SRP68: variants seen among roughly 807,000 people sequenced by gnomAD.
SRP68 encodes signal recognition particle 68.
In SRP68, 15 loss-of-function variants were observed where a neutral mutation model predicts 82.2. That is an observed-to-expected ratio of 0.18 (90% CI 0.12 to 0.28). The LOEUF is 0.28. Among genes scored for constraint, SRP68 ranks in the 10% least tolerant of loss-of-function variants. The pLI is 1.00. For synonymous variants in SRP68, 261 were observed against 292.6 expected (o/e 0.89, Z 1.10); for missense variants, 595 against 780.5 (o/e 0.76, Z 2.83).
rs1441640411 is a variant in SRP68, at chr17:76,062,731, A to T, written c.562-1157T>A. Reference sequence around the variant, plus strand: ...TTATACAATATATTATATTTATTTTATATATATATATATATATATATATAT... The same window carrying T: ...TTATACAATATATTATATTTATTTTTTATATATATATATATATATATATAT... On this transcript the variant is annotated intron_variant, in intron 4 of 15. Transcript: ENST00000307877. 1.5e-3 allele frequency among the ~76,000 whole-genome samples: 3 copies of T among 2,064 alleles called. 1 individual carries two copies. Among genetic ancestry groups the T allele is most frequent in the African/African-American group, 5.4e-3 (2 of 370 alleles). 1.4% of individuals were successfully genotyped at this position (2,064 alleles called of 152,430 possible).
chr17:76,045,483 A>T lies in SRP68; in HGVS notation c.1300-97T>A. 2 of 933,622 alleles carry T rather than the reference A, an allele frequency of 2.1e-6. 1 individual carries two copies. Among genetic ancestry groups the T allele is most frequent in the Non-Finnish European group, 3.3e-6 (2 of 613,160 alleles). 57.8% of individuals were successfully genotyped at this position (933,622 alleles called of 1,614,324 possible). ...TAAGAACGGACAAGAGTGAGGAAAA[A>T]AAAAAGCCCGAGGTCAATACGATGG... On this transcript the variant is annotated intron_variant, in intron 11 of 15. Coordinates refer to ENST00000307877, the MANE Select transcript of SRP68 (RefSeq NM_014230.4).
In SRP68 at chr17:76,040,463, C is replaced by T. The variant is rs75353721; in HGVS notation, c.1612G>A (p.Ala538Thr). 8.8e-4 allele frequency: 1,421 copies of T among 1,614,054 alleles called. 14 individuals carry two copies. In the African/African-American group the frequency reaches 0.016, roughly 18 times the overall value. ...GAGGAGGAGGTCTCTGTTTGATGAG[C>T]GTCGTTTGCATCTGAAAGTTTCACA... The part of the protein sequence containing the change: ...QAAAILDAND[A>T]HQTETSSSQV... Residue 538 changes from alanine to threonine, a missense_variant, in exon 15 of 16, where the codon GCT becomes ACT. Around this residue, in one of 2 missense-constraint regions of SRP68, gnomAD observed 495 missense variants for 688.6 expected, o/e 0.72. Transcript: ENST00000307877.
chr17:76,070,839 C>T (rs2066845901), intron 1 of SRP68, among the ~76,000 whole-genome samples: 1 of 131,066 alleles, frequency 7.6e-6, no homozygotes, highest in Non-Finnish European at 1.6e-5. Context: ...GATTCAGTCA[C>T]ACATGCACAT....
At chr17:76,041,028 A>T in intron 13 of SRP68, 50 bp from the exon 14 acceptor site, 2 of 1,512,228 alleles carry the variant, frequency 1.3e-6, no homozygotes, top group South Asian at 1.1e-5. Context: ...AGGTCAGAGA[A>T]GCACACCAAG....
chr17:76,053,210 G>T (rs1440360989), intron 8 of SRP68, among the ~76,000 whole-genome samples: 2 of 148,388 alleles, frequency 1.3e-5, no homozygotes, highest in Admixed American at 1.4e-4. Context: ...AGGTTGCAGT[G>T]AGCTGAGATT....
At chr17:76,063,144 T>C (rs561024517) in intron 4 of SRP68, among the ~76,000 whole-genome samples, 6 of 152,232 alleles carry the variant, frequency 3.9e-5, no homozygotes, top group Admixed American at 2.0e-4. Flanking sequence ...ATGTGATACA[T>C]AGGCAATTTA....
Position 76,039,061 on chromosome 17 carries a change from G to C in SRP68, c.*645C>G, listed in dbSNP as rs943422460. The C allele has an allele frequency of 1.0e-4, 27 of 258,556 alleles. No individual in the cohort carries two copies. The South Asian group carries it at 1.2e-3, about 11-fold the overall frequency. 16.0% of individuals were successfully genotyped at this position (258,556 alleles called of 1,614,324 possible). A position where few individuals can be genotyped will look rare whatever the true frequency, so the allele number is the denominator to read the frequency against. On this transcript the variant is annotated 3_prime_UTR_variant, in exon 16 of 16. Coordinates refer to ENST00000307877, the MANE Select transcript of SRP68 (RefSeq NM_014230.4). ...GCAACTAGGCTCCCGAGGAGAGAAC[G>C]GGGACTGGACATGAGGGAGGGCATA... is the stretch of plus-strand genomic sequence containing the variant.
chr17:76,067,598 T>G (rs4789242), intron 2 of SRP68, among the ~76,000 whole-genome samples: 84,026 of 151,876 alleles, frequency 0.55, 26,368 homozygotes, highest in African/African-American at 0.86. Context: ...TGGGTAGATG[T>G]GACCAACAGA....
Position 76,060,332 on chromosome 17 carries a change from C to T in SRP68, c.813G>A (p.Glu271=), listed in dbSNP as rs2665998. 677,078 of 1,607,220 alleles carry T rather than the reference C, an allele frequency of 0.42. 152,452 individuals carry two copies. The highest frequency in any genetic ancestry group is 0.85 in the African/African-American group (62,106 of 73,352). Residue 271 remains glutamate (E), a synonymous_variant, in exon 7 of 16, where the codon GAG becomes GAA. Coordinates refer to ENST00000307877, the MANE Select transcript of SRP68 (RefSeq NM_014230.4). ...CCTCCAATTTTTCAGCCAAGAGACC[C>T]TCAGTGCCCCCAGACCTCAATCTCA... ...MQMRLRSGGT[E]GLLAEKLEAL...
Position 76,071,957 on chromosome 17 carries a change from G to A in SRP68, c.184+351C>T, listed in dbSNP as rs2066856255. 2.6e-6 allele frequency: 1 copy of A among 381,932 alleles called. No homozygotes were observed. Among genetic ancestry groups the A allele is most frequent in the Non-Finnish European group, 4.7e-6 (1 of 211,474 alleles). 23.7% of individuals were successfully genotyped at this position (381,932 alleles called of 1,614,324 possible). On this transcript the variant is annotated intron_variant, in intron 1 of 15. Coordinates refer to ENST00000307877, the MANE Select transcript of SRP68 (RefSeq NM_014230.4). This position sits in a 1 kb window ranked among gnomAD's most constrained non-coding sequence, Gnocchi z 4.7. ...TATTAAGCCAAATGTCAAGACTGCA[G>A]TTTCCTCTCCCCAGTTCAGTGGCTC...
chr17:76,061,161 G>A lies in SRP68; in HGVS notation c.703C>T (p.Gln235Ter). 6.2e-7 allele frequency: 1 copy of A among 1,613,974 alleles called. No individual in the cohort carries two copies. Among genetic ancestry groups the A allele is most frequent in the Non-Finnish European group, 8.5e-7 (1 of 1,179,858 alleles). ...FTEEQAVLYN[Q>*]RVEEISPNIR... The stretch of plus-strand genomic sequence containing the variant: ...TTGGGTGAAATCTCTTCCACACGTT[G>A]GTTATACAGCACAGCCTGCTCCTCT... Residue 235 changes from glutamine to a stop codon, truncating the protein, a stop_gained, in exon 6 of 16, where the codon CAA becomes TAA. Coordinates refer to ENST00000307877, the MANE Select transcript of SRP68 (RefSeq NM_014230.4). LOFTEE classifies it high-confidence loss of function.
chr17:76,069,026 T>A lies in SRP68; in HGVS notation c.251+1352A>T, dbSNP rs190031906. ...ATAAATAAATAAATATATATATATA[T>A]AAAATTGCACCAACCTTTAAGTCAA... On this transcript the variant is annotated intron_variant, in intron 2 of 15. Coordinates refer to ENST00000307877, the MANE Select transcript of SRP68 (RefSeq NM_014230.4). 8.2e-3 allele frequency among the ~76,000 whole-genome samples: 1,223 copies of A among 149,618 alleles called. 16 individuals are homozygous for A. The highest frequency in any genetic ancestry group is 0.028 in the African/African-American group (1,148 of 41,120).
intron 7 of SRP68, 144 bp downstream of exon 7, chr17:76,060,164 G>A: frequency 5.9e-6 from 1 of 168,838 alleles, no homozygotes; most frequent in South Asian, 2.1e-4. Context: ...AAAGTTTTTT[G>A]TTCAAACTTT....
Position 76,043,878 on chromosome 17 carries a change from T to C in SRP68, c.1475A>G (p.Tyr492Cys), listed in dbSNP as rs1436010342. ...ALVLYDRVLK[Y>C]ANEVNSDAGA... ...AGCATCAGAATTTACTTCATTTGCA[T>C]ATTTCAGGACTCTGTCATACAGGAC... is the stretch of plus-strand genomic sequence containing the variant. Residue 492 changes from tyrosine to cysteine, a missense_variant, in exon 13 of 16, where the codon TAT becomes TGT. Around this residue, in one of 2 missense-constraint regions of SRP68, gnomAD observed 495 missense variants for 688.6 expected, o/e 0.72. Coordinates refer to ENST00000307877, the MANE Select transcript of SRP68 (RefSeq NM_014230.4). 1 of 1,611,244 alleles carries C rather than the reference T, an allele frequency of 6.2e-7. No homozygotes were observed. The highest frequency in any genetic ancestry group is 8.5e-7 in the Non-Finnish European group (1 of 1,179,272).
chr17:76,050,548 T>C, intron 8 of SRP68, 22 bp from the exon 9 acceptor site: 1 of 1,583,268 alleles, frequency 6.3e-7, no homozygotes, highest in Non-Finnish European at 8.7e-7. Flanking sequence ...CAGATCAAAG[T>C]AAGAGACTTT....
intron 13 of SRP68, chr17:76,043,270 A>G (rs2066604955): frequency 6.6e-6 from 1 of 151,776 alleles, no homozygotes; most frequent in African/African-American, 2.4e-5. Context: ...GTCTCAAGAA[A>G]GACAGAAAGA....
At chr17:76,069,982 C>T (rs1045038544) in intron 2 of SRP68, among the ~76,000 whole-genome samples, 2 of 151,756 alleles carry the variant, frequency 1.3e-5, no homozygotes, top group African/African-American at 4.8e-5. Context: ...GAGGCAGAAG[C>T]AGGAGAATCA....
At position 76,062,650 on chromosome 17, in the gene SRP68, T is replaced by A. The variant is rs1433141914; in HGVS notation, c.562-1076A>T. Among the ~76,000 whole-genome samples, 48 of 27,280 alleles carry A rather than the reference T, an allele frequency of 1.8e-3. 5 individuals carry two copies. The African/African-American group carries it at 0.023, about 13-fold the overall frequency. The allele number at this position is 27,280 out of a possible 152,430, so 17.9% of individuals were successfully genotyped here. On this transcript the variant is annotated intron_variant, in intron 4 of 15. Coordinates refer to ENST00000307877, the MANE Select transcript of SRP68 (RefSeq NM_014230.4). ...TACATTATATATTATATAATATACA[T>A]TATATATTATATAATATACATTATA...
chr17:76,066,229 A>C (rs2066805053), intron 3 of SRP68, among the ~76,000 whole-genome samples: 1 of 152,098 alleles, frequency 6.6e-6, no homozygotes, highest in Non-Finnish European at 1.5e-5. Context: ...AGGTGGGTGG[A>C]TCACCTGAGG....
Sources: allele counts gnomAD v4.1 joint callset (sites outside exome capture counted in the v4.1 genomes callset), GRCh38; gene constraint gnomAD v4.1.1; regional missense constraint gnomAD v4.1.1; non-coding constraint Gnocchi (gnomAD v3.1); transcripts MANE v1.5; gene names NCBI Gene and HGNC (gene_info 2026-07-23, HGNC 2026-07-21).